The following GASK1A variants were observed in gnomAD, a reference collection of about 807,000 sequenced individuals.
GASK1A encodes golgi associated kinase 1A.
Under a neutral mutation model 41.2 loss-of-function variants are expected in GASK1A, and 40 were observed. The ratio of observed to expected loss-of-function variants is 0.97; its 90% confidence interval spans 0.75 to 1.27. The LOEUF is 1.27. GASK1A is among the 50% of genes most tolerant of loss of function. The pLI is 0.00. For missense variants in GASK1A, 678 were observed against 745.1 expected, an observed-to-expected ratio of 0.91 and a Z score of 1.05; for synonymous variants, 316 against 307.1, an observed-to-expected ratio of 1.03 and a Z score of -0.30.
At chr3:42,987,225 C>T (rs184018238) in intron 1 of GASK1A, among the ~76,000 whole-genome samples, 4 of 152,360 alleles carry the variant, frequency 2.6e-5, no homozygotes, top group Admixed American at 1.3e-4. Flanking sequence ...TCCTCATTGG[C>T]CGGGGTCGGG....
intron 3 of GASK1A, among the ~76,000 whole-genome samples, chr3:43,054,474 G>C (rs1253012752): frequency 2.6e-5 from 4 of 152,188 alleles, no homozygotes; most frequent in Non-Finnish European, 5.9e-5. Flanking sequence ...GATCTTTTAG[G>C]ACAGCAGTTT....
intron 2 of GASK1A, among the ~76,000 whole-genome samples, chr3:43,052,887 C>T (rs534975625): frequency 1.1e-4 from 17 of 152,270 alleles, no homozygotes; most frequent in East Asian, 7.7e-4. Context: ...GAAAGCATCC[C>T]GGAAGCAAGT....
At chr3:42,983,484 C>G (rs540820035) in intron 1 of GASK1A, among the ~76,000 whole-genome samples, 1 of 152,160 alleles carries the variant, frequency 6.6e-6, no homozygotes, top group African/African-American at 2.4e-5. Flanking sequence ...AGTCTCTCTT[C>G]TCATCAGGCA....
chr3:43,042,951 TGA>T (rs1379636125), intron 2 of GASK1A, among the ~76,000 whole-genome samples: 1 of 151,494 alleles, frequency 6.6e-6, no homozygotes, highest in Non-Finnish European at 1.5e-5. Context: ...TAGAGGAGAG[TGA>T]GAGTCAGTGC....
chr3:42,998,328 C>T lies in GASK1A; in HGVS notation c.3+18683C>T, dbSNP rs138777552. ...GTGGGGGCAGGGCAAGCGATGCAGA[C>T]GCACTCGGGACTGGACCACCTGACA... On this transcript the variant is annotated intron_variant, in intron 1 of 4. Coordinates refer to ENST00000430121, the MANE Select transcript of GASK1A (RefSeq NM_001129908.3). Among the ~76,000 whole-genome samples, 428 of 152,196 alleles carry T rather than the reference C, an allele frequency of 2.8e-3. 2 individuals are homozygous for T. Among genetic ancestry groups the T allele is most frequent in the African/African-American group, 9.6e-3 (398 of 41,524 alleles).
At chr3:43,042,805 C>T (rs969952060) in intron 2 of GASK1A, among the ~76,000 whole-genome samples, 3 of 152,312 alleles carry the variant, frequency 2.0e-5, no homozygotes, top group Middle Eastern at 3.4e-3. Flanking sequence ...GTCTATTCGC[C>T]GGCTTCCGAA....
At position 42,998,061 on chromosome 3, in the gene GASK1A, C is replaced by G. The variant is rs544464924; in HGVS notation, c.3+18416C>G. ...GGGCTGCTCCTGGGGGTATTAGCGT[C>G]CCAGCAGGCACACTGCTGCTGACCA... On this transcript the variant is annotated intron_variant, in intron 1 of 4. Coordinates refer to ENST00000430121, the MANE Select transcript of GASK1A (RefSeq NM_001129908.3). 5.9e-5 allele frequency among the ~76,000 whole-genome samples: 9 copies of G among 152,268 alleles called. No homozygotes were observed. In the South Asian group the frequency reaches 1.9e-3, roughly 32 times the overall value.
chr3:43,033,219 T>G lies in GASK1A; in HGVS notation c.956T>G (p.Leu319Arg). Residue 319 changes from leucine to arginine, a missense_variant, in exon 2 of 5, where the codon CTG becomes CGG. Leu to Arg is a moderately radical substitution (Grantham distance 102, BLOSUM62 -2). Coordinates refer to ENST00000430121, the MANE Select transcript of GASK1A (RefSeq NM_001129908.3). Reference protein sequence around the residue: ...SQLCSQGLCGLIKRPGDLPEV... With the variant: ...SQLCSQGLCGRIKRPGDLPEV... ...CTCTGTTCCCAAGGGCTCTGTGGCCTGATCAAGAGGCCTGGGGACCTGCCT... is the reference window on the plus strand; with the variant it reads ...CTCTGTTCCCAAGGGCTCTGTGGCCGGATCAAGAGGCCTGGGGACCTGCCT... 1 of 1,551,690 alleles carries G rather than the reference T, an allele frequency of 6.4e-7. No individual in the cohort carries two copies. The highest frequency in any genetic ancestry group is 8.7e-7 in the Non-Finnish European group (1 of 1,146,970).
chr3:43,025,524 A>G (rs2089542657), intron 1 of GASK1A, among the ~76,000 whole-genome samples: 1 of 152,296 alleles, frequency 6.6e-6, no homozygotes, highest in East Asian at 1.9e-4. Context: ...GGATAGGTGG[A>G]TCACCTCACT....
At chr3:43,021,998 C>T (rs565830678) in intron 1 of GASK1A, among the ~76,000 whole-genome samples, 38 of 152,204 alleles carry the variant, frequency 2.5e-4, no homozygotes, top group Non-Finnish European at 4.7e-4. Context: ...CTCTTTCCCT[C>T]CTGCCATGAA....
At chr3:43,016,450 A>T (rs1050999383) in intron 1 of GASK1A, among the ~76,000 whole-genome samples, 1 of 150,882 alleles carries the variant, frequency 6.6e-6, no homozygotes, top group Non-Finnish European at 1.5e-5. Flanking sequence ...CAGGAAGGGC[A>T]GTGTAAAGTC....
intron 1 of GASK1A, among the ~76,000 whole-genome samples, chr3:42,982,457 A>G (rs903842822): frequency 6.6e-6 from 1 of 152,212 alleles, no homozygotes; most frequent in Admixed American, 6.5e-5. Context: ...CTGAGATTTC[A>G]CCACACATGG....
chr3:42,992,081 G>C (rs2089344213), intron 1 of GASK1A, among the ~76,000 whole-genome samples: 1 of 144,338 alleles, frequency 6.9e-6, no homozygotes, highest in African/African-American at 2.6e-5. Context: ...TGAAACTCTA[G>C]TTAAAATCCC....
rs564253009 is a variant in GASK1A at position 43,001,724 on chromosome 3, G to C, written c.3+22079G>C. ...AAGGTAAAGGTGAAGGTGGGGATAGGTGGGCCCCTGCGGATGTAATTAGAC... is the reference window on the plus strand; with the variant it reads ...AAGGTAAAGGTGAAGGTGGGGATAGCTGGGCCCCTGCGGATGTAATTAGAC... On this transcript the variant is annotated intron_variant, in intron 1 of 4. Transcript: ENST00000430121. Among the ~76,000 whole-genome samples, 61 of 152,306 alleles carry C rather than the reference G, an allele frequency of 4.0e-4. 1 individual carries two copies. The highest frequency in any genetic ancestry group is 2.9e-3 in the South Asian group (14 of 4,826).
rs187455045 is a variant in GASK1A at position 43,032,425 on chromosome 3, C to T, written c.162C>T (p.Gly54=). ...CCATGGAGCCTCAGGGGGTAACTGG[C>T]GCCCCTGCAACCCATATCCGGCAGG... ...PGPMEPQGVT[G]APATHIRQAL... is the part of the protein sequence containing the mutation. The change falls in exon 2 of 5, where the codon GGC becomes GGT. Residue 54 remains glycine, a synonymous_variant. Transcript: ENST00000430121. 225 of 1,551,066 alleles carry T rather than the reference C, an allele frequency of 1.5e-4. No homozygotes were observed. The African/African-American group carries it at 2.7e-3, about 19-fold the overall frequency.
In GASK1A at chr3:43,017,702, AGAAGGGGCTGTGTGAAGCCACAG is replaced by A. The variant is rs1196563296; in HGVS notation, c.4-14556_4-14534del. Among the ~76,000 whole-genome samples the A allele has an allele frequency of 2.4e-4, 34 of 143,902 alleles. No homozygotes were observed. The South Asian group carries it at 7.9e-3, about 33-fold the overall frequency. 94.4% of individuals were successfully genotyped at this position (143,902 alleles called of 152,430 possible). ...CAGGATGAGGCTGTGTGAAGTCACAAGAAGGGGCTGTGTGAAGCCACAGGAAGGGGCAGCGTGAAGCCACAGGG... is the reference window on the plus strand; with the variant it reads ...CAGGATGAGGCTGTGTGAAGTCACAAGAAGGGGCAGCGTGAAGCCACAGGG... On this transcript the variant is annotated intron_variant, in intron 1 of 4. Transcript: ENST00000430121.
Position 43,032,937 on chromosome 3 carries a change from G to A in GASK1A, c.674G>A (p.Gly225Glu). The change falls in exon 2 of 5, where the codon GGA (glycine) becomes GAA (glutamate). Residue 225 changes from glycine to glutamate, a missense_variant. Physicochemically the swap from Gly to Glu is moderately conservative, Grantham distance 98. Coordinates refer to ENST00000430121, the MANE Select transcript of GASK1A (RefSeq NM_001129908.3). ...GCAGAGGATCCCACCTTGGCCTCAGGAGCTCATCAGTGGCCTGGCTCTGTT... is the reference window on the plus strand; with the variant it reads ...GCAGAGGATCCCACCTTGGCCTCAGAAGCTCATCAGTGGCCTGGCTCTGTT... ...QQAEDPTLAS[G>E]AHQWPGSVEK... 6.4e-7 allele frequency: 1 copy of A among 1,551,148 alleles called. No individual in the cohort carries two copies. Among genetic ancestry groups the A allele is most frequent in the Non-Finnish European group, 8.7e-7 (1 of 1,146,740 alleles).
rs747329153 is a variant in GASK1A at position 43,005,432 on chromosome 3, G to A, written c.3+25787G>A. 4.6e-5 allele frequency among the ~76,000 whole-genome samples: 7 copies of A among 152,140 alleles called. No homozygotes were observed. The South Asian group carries it at 8.3e-4, about 18-fold the overall frequency. Reference sequence around the variant, plus strand: ...AGTGTGATGAATCTTGTGGCATCTCGCTCTGTCCTACCTGGGACATGAGTC... The same window carrying A: ...AGTGTGATGAATCTTGTGGCATCTCACTCTGTCCTACCTGGGACATGAGTC... On this transcript the variant is annotated intron_variant, in intron 1 of 4. Coordinates refer to ENST00000430121, the MANE Select transcript of GASK1A (RefSeq NM_001129908.3).
intron 1 of GASK1A, among the ~76,000 whole-genome samples, chr3:42,997,886 G>A (rs1378338934): frequency 6.6e-6 from 1 of 152,208 alleles, no homozygotes; most frequent in African/African-American, 2.4e-5. Flanking sequence ...GTGCATGAGA[G>A]GGCAGGTTCC....
Sources: allele counts gnomAD v4.1 joint callset (sites outside exome capture counted in the v4.1 genomes callset), GRCh38; gene constraint gnomAD v4.1.1; transcripts MANE v1.5; gene names NCBI Gene and HGNC (gene_info 2026-07-23, HGNC 2026-07-21).